The following GRM5 variants were observed in gnomAD, a reference collection of about 807,000 sequenced individuals.
The protein encoded by GRM5 is glutamate metabotropic receptor 5, also known as metabotropic glutamate receptor 5.
GRM5 carries 19 observed loss-of-function variants against 83.1 expected under a neutral mutation model. That is an observed-to-expected ratio of 0.23 (90% CI 0.16 to 0.34). The LOEUF is 0.34. Among genes scored for constraint, GRM5 ranks in the 10% least tolerant of loss-of-function variants. The probability of loss-of-function intolerance (pLI) is 1.00; values close to 1 mark genes in which losing one functional copy is unlikely to be tolerated. For missense variants in GRM5, 1,160 were observed against 1,588.3 expected, an observed-to-expected ratio of 0.73 and a Z score of 4.58; for synonymous variants, 675 against 633.6, an observed-to-expected ratio of 1.07 and a Z score of -0.98.
intron 4 of GRM5, among the ~76,000 whole-genome samples, chr11:88,637,351 A>T (rs1283382410): frequency 2.0e-5 from 3 of 151,306 alleles, no homozygotes; most frequent in Non-Finnish European, 3.0e-5. Context: ...AGAAACTACC[A>T]TCAGAGTGAA....
At chr11:88,823,642 T>C (rs1021594121) in intron 3 of GRM5, among the ~76,000 whole-genome samples, 1 of 152,152 alleles carries the variant, frequency 6.6e-6, no homozygotes, top group Non-Finnish European at 1.5e-5. Context: ...GTTGAGCTGG[T>C]TTCATGGGTC....
chr11:88,807,582 T>C (rs951197641), intron 3 of GRM5, among the ~76,000 whole-genome samples: 1 of 152,108 alleles, frequency 6.6e-6, no homozygotes, highest in African/African-American at 2.4e-5. Context: ...TGCTGGGCCC[T>C]GTGAGTCGAG....
chr11:88,925,218 T>G (rs1325950079), intron 2 of GRM5, among the ~76,000 whole-genome samples: 1 of 152,128 alleles, frequency 6.6e-6, no homozygotes, highest in Non-Finnish European at 1.5e-5. Flanking sequence ...AACTGACACT[T>G]ATAAAATGGC....
rs771662072 is a variant in GRM5, at chr11:88,507,404, A to G, written c.*1188T>C. 4 of 152,216 alleles carry G rather than the reference A, an allele frequency of 2.6e-5. No homozygotes were observed. The highest frequency in any genetic ancestry group is 5.9e-5 in the Non-Finnish European group (4 of 68,032). 9.4% of individuals were successfully genotyped at this position (152,216 alleles called of 1,614,324 possible). A position where few individuals can be genotyped will look rare whatever the true frequency, so the allele number is the denominator to read the frequency against. On this transcript the variant is annotated 3_prime_UTR_variant, in exon 10 of 10. Coordinates refer to ENST00000305447, the MANE Select transcript of GRM5 (RefSeq NM_001143831.3). Reference sequence around the variant, plus strand: ...CCAAGAATAGTTAAAATCACTGCTCACTGGCATAGCTAAATCTCCACTAAG... The same window carrying G: ...CCAAGAATAGTTAAAATCACTGCTCGCTGGCATAGCTAAATCTCCACTAAG...
chr11:88,786,349 C>T (rs944875749), intron 3 of GRM5, among the ~76,000 whole-genome samples: 2 of 152,080 alleles, frequency 1.3e-5, no homozygotes, highest in African/African-American at 2.4e-5. Context: ...GAGGTGGTAC[C>T]TCTGAGCTCA....
At chr11:88,710,796 T>C (rs1241479918) in intron 3 of GRM5, among the ~76,000 whole-genome samples, 3 of 151,838 alleles carry the variant, frequency 2.0e-5, no homozygotes, top group African/African-American at 7.3e-5. Context: ...AGAAACAGGA[T>C]ACGTAAAATC....
chr11:88,700,414 A>G (rs1369212996), intron 3 of GRM5, among the ~76,000 whole-genome samples: 1 of 152,178 alleles, frequency 6.6e-6, no homozygotes, highest in Non-Finnish European at 1.5e-5. Flanking sequence ...TTCAGAATTG[A>G]TATAGTTACT....
At chr11:88,948,252 G>A (rs1475374319) in intron 2 of GRM5, among the ~76,000 whole-genome samples, 2 of 152,148 alleles carry the variant, frequency 1.3e-5, no homozygotes, top group Non-Finnish European at 2.9e-5. Flanking sequence ...GTGTTTTAAA[G>A]CATTAAGAAC....
chr11:88,700,247 T>TA (rs1940997846), intron 3 of GRM5, among the ~76,000 whole-genome samples: 1 of 152,138 alleles, frequency 6.6e-6, no homozygotes, highest in Admixed American at 6.6e-5. Flanking sequence ...TATTTCATGT[T>TA]AAGGTTTATC....
At chr11:88,914,878 A>G (rs941821346) in intron 2 of GRM5, among the ~76,000 whole-genome samples, 6 of 152,208 alleles carry the variant, frequency 3.9e-5, no homozygotes, top group African/African-American at 1.4e-4. Flanking sequence ...AAGTCAAATG[A>G]AAGTGCTCAT....
At chr11:88,889,279 T>A (rs960895043) in intron 2 of GRM5, among the ~76,000 whole-genome samples, 1 of 151,998 alleles carries the variant, frequency 6.6e-6, no homozygotes, top group African/African-American at 2.4e-5. Flanking sequence ...TGTTTTAGAG[T>A]CTAAACTGTA....
chr11:88,771,412 G>A (rs763469857), intron 3 of GRM5, among the ~76,000 whole-genome samples: 1 of 152,108 alleles, frequency 6.6e-6, no homozygotes, highest in Non-Finnish European at 1.5e-5. Flanking sequence ...AGGCCCAAGA[G>A]TCCCTAGCAA....
chr11:88,536,104 C>T (rs978637264), intron 8 of GRM5, among the ~76,000 whole-genome samples: 11 of 152,150 alleles, frequency 7.2e-5, no homozygotes, highest in African/African-American at 1.2e-4. Context: ...TTTAGTGTTA[C>T]ATTCTTAAAC....
At chr11:88,745,255 CA>C (rs1447863392) in intron 3 of GRM5, among the ~76,000 whole-genome samples, 3 of 146,546 alleles carry the variant, frequency 2.0e-5, no homozygotes, top group Non-Finnish European at 4.5e-5. Context: ...GGCTGGAGTG[CA>C]GTGGTACAAT....
chr11:89,063,939 T>C (rs1446083205), intron 1 of GRM5, among the ~76,000 whole-genome samples: 3 of 152,114 alleles, frequency 2.0e-5, no homozygotes. Context: ...GCACCTGGGA[T>C]ACAAATCCCT....
chr11:88,885,768 T>G (rs1439226273), intron 2 of GRM5, among the ~76,000 whole-genome samples: 2 of 152,102 alleles, frequency 1.3e-5, no homozygotes, highest in Non-Finnish European at 2.9e-5. Flanking sequence ...ACTTTTTACC[T>G]CATGAAAAGC....
At chr11:88,653,593 T>C (rs1939693446) in intron 3 of GRM5, among the ~76,000 whole-genome samples, 190 bp from the exon 4 acceptor site, 2 of 151,972 alleles carry the variant, frequency 1.3e-5, no homozygotes, top group African/African-American at 2.4e-5. Context: ...ACCATGGAAA[T>C]TTTGGGCCTA....
chr11:89,014,452 C>T lies in GRM5; in HGVS notation c.661+32760G>A, dbSNP rs1474458059. ...AATTCATTTTCCCCTAAAGATAGGG[C>T]TGTTTTTTTTGCCTCTTTCAATTGA... is the stretch of plus-strand genomic sequence containing the variant. On this transcript the variant is annotated intron_variant, in intron 2 of 9. Transcript: ENST00000305447. 2.0e-5 allele frequency among the ~76,000 whole-genome samples: 3 copies of T among 150,952 alleles called. No homozygotes were observed. The East Asian group carries it at 5.8e-4, about 29-fold the overall frequency.
At chr11:88,933,925 C>G (rs181935938) in intron 2 of GRM5, among the ~76,000 whole-genome samples, 1 of 151,620 alleles carries the variant, frequency 6.6e-6, no homozygotes, top group Non-Finnish European at 1.5e-5. Flanking sequence ...TGAACCAGAC[C>G]TGGGCCTATT....
Sources: allele counts gnomAD v4.1 joint callset (sites outside exome capture counted in the v4.1 genomes callset), GRCh38; gene constraint gnomAD v4.1.1; transcripts MANE v1.5; gene names NCBI Gene and HGNC (gene_info 2026-07-23, HGNC 2026-07-21).